Variants in SLC13A3 observed in about 807,000 individuals in gnomAD.
The protein encoded by SLC13A3 is solute carrier family 13 member 3, also known as Na(+)/dicarboxylate cotransporter 3.
Under a neutral mutation model 59.0 loss-of-function variants are expected in SLC13A3, and 40 were observed. The ratio of observed to expected loss-of-function variants is 0.68; its 90% CI spans 0.53 to 0.88. SLC13A3 has a LOEUF of 0.88. SLC13A3 is among the 40% of genes least tolerant of loss of function. The pLI is 0.00. For missense variants in SLC13A3, 699 were observed against 783.2 expected, an observed-to-expected ratio of 0.89 and a Z score of 1.28; for synonymous variants, 317 against 330.3, an observed-to-expected ratio of 0.96 and a Z score of 0.44.
intron 1 of SLC13A3, among the ~76,000 whole-genome samples, chr20:46,668,200 T>C (rs1222717778): frequency 2.0e-5 from 3 of 152,204 alleles, no homozygotes; most frequent in African/African-American, 7.2e-5. Flanking sequence ...TAGAAATGGT[T>C]ACACTTAGTG....
chr20:46,617,374 A>T (rs774240452), intron 1 of SLC13A3, among the ~76,000 whole-genome samples: 6 of 151,836 alleles, frequency 4.0e-5, no homozygotes, highest in Admixed American at 2.0e-4. Context: ...CTATAGTCCC[A>T]GGTACTTGGG....
rs116648818 is a variant in SLC13A3, at chr20:46,607,830, G to C, written c.541+2616C>G. On this transcript the variant is annotated intron_variant, in intron 3 of 12. Coordinates refer to ENST00000279027, the MANE Select transcript of SLC13A3 (RefSeq NM_022829.6). ...GCCACAGTTTGGAAACTGCGTAACG[G>C]GGGGTGGGAGGACTCTTTTTAATTC... 6.6e-3 allele frequency among the ~76,000 whole-genome samples: 999 copies of C among 152,270 alleles called. 13 individuals are homozygous for C. Among genetic ancestry groups the C allele is most frequent in the African/African-American group, 0.023 (958 of 41,540 alleles).
At chr20:46,606,756 C>A (rs892552608) in intron 3 of SLC13A3, among the ~76,000 whole-genome samples, 1 of 152,208 alleles carries the variant, frequency 6.6e-6, no homozygotes, top group Admixed American at 6.5e-5. Flanking sequence ...GAACATTGGG[C>A]CTATCATGGC....
chr20:46,625,847 T>C (rs2062662920), intron 1 of SLC13A3, among the ~76,000 whole-genome samples: 1 of 152,248 alleles, frequency 6.6e-6, no homozygotes, highest in Non-Finnish European at 1.5e-5. Flanking sequence ...GCCTATTCTT[T>C]TTTGCTGCTG....
chr20:46,606,235 G>T (rs144361396), intron 3 of SLC13A3, among the ~76,000 whole-genome samples: 2 of 152,296 alleles, frequency 1.3e-5, no homozygotes, highest in East Asian at 1.9e-4. Context: ...AACGAGGTAG[G>T]AGGTCTTATT....
chr20:46,643,327 T>C (rs2122861325), intron 1 of SLC13A3, among the ~76,000 whole-genome samples: 1 of 152,352 alleles, frequency 6.6e-6, no homozygotes, highest in East Asian at 1.9e-4. Flanking sequence ...TTTCATTTTC[T>C]ATTTTAGATA....
At position 46,600,025 on chromosome 20, in the gene SLC13A3, C is replaced by A. The variant is rs757323050; in HGVS notation, c.554G>T (p.Arg185Ile). 1 of 1,566,108 alleles carries A rather than the reference C, an allele frequency of 6.4e-7. No individual in the cohort carries two copies. The change falls in exon 4 of 13, where the codon AGA becomes ATA. Residue 185 changes from arginine to isoleucine, a missense_variant. Transcript: ENST00000279027. ...ESEENTAAVR[R>I]NGLHTVPTEM... ...CGTGGGCACAGTGTGTAGGCCGTTT[C>A]TCCGCACAGCAGCTAGGAGGAAAGA...
rs149123701 is a variant in SLC13A3, at chr20:46,566,331, G to C, written c.1392C>G (p.Pro464=). The C allele has an allele frequency of 1.2e-5, 20 of 1,612,544 alleles. No individual in the cohort carries two copies. The highest frequency in any genetic ancestry group is 1.6e-4 in the Middle Eastern group (1 of 6,076). ...GQLHPLENVP[P]ALAVLLITVV... ...CAGTGATGAGCAGCACAGCCAGGGC[G>C]GGGGGCACATTCTCCAGGGGGTGCA... Residue 464 remains proline (P), a synonymous_variant, in exon 11 of 13, where the codon CCC becomes CCG. Transcript: ENST00000279027.
chr20:46,673,198 C>T (rs79405707), upstream of SLC13A3, among the ~76,000 whole-genome samples: 2 of 152,298 alleles, frequency 1.3e-5, no homozygotes, highest in East Asian at 3.9e-4. Flanking sequence ...GGGCTGTTCC[C>T]ATTTATTCGT....
At chr20:46,659,161 T>C (rs1399540081) in intron 1 of SLC13A3, among the ~76,000 whole-genome samples, 1 of 152,206 alleles carries the variant, frequency 6.6e-6, no homozygotes, top group Non-Finnish European at 1.5e-5. Context: ...CTAATATAAT[T>C]ATTTATCTGG....
intron 9 of SLC13A3, among the ~76,000 whole-genome samples, chr20:46,579,183 C>G (rs1388924730): frequency 6.6e-6 from 1 of 152,086 alleles, no homozygotes; most frequent in Non-Finnish European, 1.5e-5. Flanking sequence ...GTTGCCCAGG[C>G]TGGAGTGCAG....
At chr20:46,626,407 A>G (rs2062673111) in intron 1 of SLC13A3, among the ~76,000 whole-genome samples, 1 of 151,796 alleles carries the variant, frequency 6.6e-6, no homozygotes, top group African/African-American at 2.4e-5. Flanking sequence ...GCTTTCTGTG[A>G]AGGAATGACT....
chr20:46,567,840 ATG>A (rs1600495934), intron 10 of SLC13A3, among the ~76,000 whole-genome samples: 1 of 152,176 alleles, frequency 6.6e-6, no homozygotes, highest in East Asian at 1.9e-4. Context: ...AATATGCTCA[ATG>A]CTGTCCCCTG....
chr20:46,576,284 C>T (rs550849358), intron 9 of SLC13A3, among the ~76,000 whole-genome samples: 1 of 152,176 alleles, frequency 6.6e-6, no homozygotes, highest in South Asian at 2.1e-4. Context: ...CATACCTAAA[C>T]GTGTGGGCAT....
intron 5 of SLC13A3, among the ~76,000 whole-genome samples, chr20:46,593,241 G>C (rs2062278366): frequency 6.6e-6 from 1 of 152,186 alleles, no homozygotes; most frequent in South Asian, 2.1e-4. Flanking sequence ...TTCTGGAGAG[G>C]AATTTGGTAA....
chr20:46,612,913 C>T (rs899527685), intron 2 of SLC13A3, among the ~76,000 whole-genome samples: 1 of 152,196 alleles, frequency 6.6e-6, no homozygotes, highest in Non-Finnish European at 1.5e-5. Context: ...TCAACTCCCA[C>T]CTGATCTTCA....
chr20:46,659,735 GA>G (rs1413740725), intron 1 of SLC13A3, among the ~76,000 whole-genome samples: 9 of 123,850 alleles, frequency 7.3e-5, no homozygotes, highest in Non-Finnish European at 1.7e-5. Flanking sequence ...AAAAAAAAAA[GA>G]AAAAACAAAG....
At chr20:46,630,024 T>C (rs1356577726) in intron 1 of SLC13A3, among the ~76,000 whole-genome samples, 1 of 152,186 alleles carries the variant, frequency 6.6e-6, no homozygotes, top group Non-Finnish European at 1.5e-5. Flanking sequence ...GAGGAAAGTG[T>C]GGGGAAAGGG....
At chr20:46,581,028 G>A (rs960669952) in intron 9 of SLC13A3, among the ~76,000 whole-genome samples, 2 of 152,140 alleles carry the variant, frequency 1.3e-5, no homozygotes, top group African/African-American at 4.8e-5. Context: ...ACTACTCTGG[G>A]CACACTGCCT....
Sources: gnomAD v4.1 joint callset for allele counts (sites outside exome capture counted in the v4.1 genomes callset) on GRCh38, gnomAD v4.1.1 for gene constraint, MANE v1.5 for transcripts, NCBI Gene and HGNC (gene_info 2026-07-23, HGNC 2026-07-21) for gene names.